The following CFAP54 variants were observed in gnomAD, a reference collection of about 807,000 sequenced individuals.
The protein encoded by CFAP54 is cilia and flagella associated protein 54.
CFAP54 carries 290 observed loss-of-function variants against 370.4 expected under a neutral mutation model. The observed-to-expected ratio is 0.78, with a 90% CI of 0.71 to 0.86. The LOEUF (loss-of-function observed/expected upper bound fraction) is 0.86, where lower values mean the gene tolerates loss of function less well. Among genes scored for constraint, CFAP54 ranks in the 40% least tolerant of loss-of-function variants. CFAP54 has a pLI of 0.00. For missense variants in CFAP54, 3,399 were observed against 3,528.7 expected (o/e 0.96, Z 0.93); for synonymous variants, 1,206 against 1,236.5 (o/e 0.98, Z 0.52).
intron 9 of CFAP54, 55 bp downstream of exon 9, chr12:96,527,499 A>G: frequency 1.6e-6 from 2 of 1,254,338 alleles, no homozygotes; most frequent in South Asian, 3.6e-5. Flanking sequence ...ATGAGTAACA[A>G]AAATTTTAAC....
At chr12:96,550,994 A>G (rs1486783242) in intron 15 of CFAP54, among the ~76,000 whole-genome samples, 1 of 152,158 alleles carries the variant, frequency 6.6e-6, no homozygotes, top group Non-Finnish European at 1.5e-5. Context: ...TGGCCTGGGT[A>G]TGGTGGCTCA....
In CFAP54 at chr12:96,646,189, T is replaced by C. The variant is rs536729975; in HGVS notation, c.4548-1686T>C. On this transcript the variant is annotated intron_variant, in intron 33 of 67. Coordinates refer to ENST00000524981, the MANE Select transcript of CFAP54 (RefSeq NM_001306084.2). ...AACCTACAGAATGGGAGAAAATTTT[T>C]GCAATCTACTCATCTGACAAAGGGC... 2.1e-4 allele frequency: 32 copies of C among 152,266 alleles called. No homozygotes were observed. The East Asian group carries it at 6.2e-3, about 29-fold the overall frequency. 9.4% of individuals were successfully genotyped at this position (152,266 alleles called of 1,614,324 possible). A position where few individuals can be genotyped will look rare whatever the true frequency, so the allele number is the denominator to read the frequency against.
chr12:96,694,695 T>C (rs1369253104), intron 45 of CFAP54, among the ~76,000 whole-genome samples: 1 of 151,844 alleles, frequency 6.6e-6, no homozygotes, highest in Non-Finnish European at 1.5e-5. Context: ...AGTAATCAGC[T>C]ATGGGCTGGT....
chr12:96,620,338 C>T (rs1015037059), intron 26 of CFAP54, among the ~76,000 whole-genome samples: 7 of 152,108 alleles, frequency 4.6e-5, no homozygotes, highest in African/African-American at 1.7e-4. Flanking sequence ...ATCATGGGGG[C>T]GGGTCTTTCC....
rs567038386 is a variant in CFAP54, at chr12:96,612,005, C to T, written c.3640-9585C>T. ...ATCCGGGAGAACTTCCCCAACCTAG[C>T]AAGGCAGGCCAGCATTCAAATTCAG... On this transcript the variant is annotated intron_variant, in intron 26 of 67. Transcript: ENST00000524981. Among the ~76,000 whole-genome samples, 3 of 152,288 alleles carry T rather than the reference C, an allele frequency of 2.0e-5. No homozygotes were observed. The East Asian group carries it at 5.8e-4, about 29-fold the overall frequency.
chr12:96,833,604 C>A (rs1203405181), intron 66 of CFAP54, among the ~76,000 whole-genome samples: 2 of 151,212 alleles, frequency 1.3e-5, no homozygotes, highest in East Asian at 3.9e-4. Flanking sequence ...AGGAGCAGAT[C>A]ATGATTTGAA....
chr12:96,793,267 C>T (rs969790085), intron 63 of CFAP54, among the ~76,000 whole-genome samples: 5 of 152,100 alleles, frequency 3.3e-5, no homozygotes, highest in African/African-American at 1.2e-4. Flanking sequence ...GCTCCTGTCT[C>T]ATGAGTGAGA....
At chr12:96,602,170 G>T (rs955202470) in intron 26 of CFAP54, among the ~76,000 whole-genome samples, 3 of 151,858 alleles carry the variant, frequency 2.0e-5, no homozygotes, top group African/African-American at 4.8e-5. Context: ...TTGTTCCATT[G>T]CTTTCAAAGA....
intron 32 of CFAP54, 64 bp from the exon 33 acceptor site, chr12:96,644,114 A>T: frequency 9.1e-7 from 1 of 1,095,894 alleles, no homozygotes; most frequent in East Asian, 2.6e-5. Flanking sequence ...AATTGGAATG[A>T]TTCTTCTTTA....
intron 15 of CFAP54, among the ~76,000 whole-genome samples, chr12:96,550,996 G>C (rs1281241988): frequency 6.6e-6 from 1 of 152,146 alleles, no homozygotes; most frequent in Non-Finnish European, 1.5e-5. Flanking sequence ...GCCTGGGTAT[G>C]GTGGCTCACG....
In CFAP54 at chr12:96,833,300, C is replaced by T. The variant is rs536962395; in HGVS notation, c.9171+4212C>T. Reference sequence around the variant, plus strand: ...AAAAATATTCTTGTTCTCACGGTGACTGACCATGGAATGGGCTAAGTTCTT... The same window carrying T: ...AAAAATATTCTTGTTCTCACGGTGATTGACCATGGAATGGGCTAAGTTCTT... On this transcript the variant is annotated intron_variant, in intron 66 of 67. Transcript: ENST00000524981. Among the ~76,000 whole-genome samples, 11 of 152,282 alleles carry T rather than the reference C, an allele frequency of 7.2e-5. No individual in the cohort carries two copies. The South Asian group carries it at 2.3e-3, about 32-fold the overall frequency.
intron 15 of CFAP54, among the ~76,000 whole-genome samples, chr12:96,550,611 T>C (rs946772703): frequency 6.6e-6 from 1 of 152,124 alleles, no homozygotes; most frequent in African/African-American, 2.4e-5. Flanking sequence ...GGATATCTTT[T>C]AGAGACTTCT....
Position 96,554,309 on chromosome 12 carries a change from A to T in CFAP54, c.2282A>T (p.Lys761Met). The T allele has an allele frequency of 1.3e-6, 2 of 1,510,172 alleles. No individual in the cohort carries two copies. The highest frequency in any genetic ancestry group is 1.8e-6 in the Non-Finnish European group (2 of 1,138,326). 93.5% of individuals were successfully genotyped at this position (1,510,172 alleles called of 1,614,324 possible). ...GSSVIDHCYAKRTHHIDGDTY... is the reference protein window; with the variant it reads ...GSSVIDHCYAMRTHHIDGDTY... ...TCAGTAATTGACCACTGCTATGCCA[A>T]GGTAAGAATGGAAGAGTCTTAAATT... Residue 761 changes from lysine to methionine, a missense_variant and splice_region_variant, in exon 16 of 68, where the codon AAG becomes ATG. Coordinates refer to ENST00000524981, the MANE Select transcript of CFAP54 (RefSeq NM_001306084.2).
chr12:96,647,471 C>CGAAAAAA (rs1167008566), intron 33 of CFAP54, among the ~76,000 whole-genome samples: 5 of 10,688 alleles, frequency 4.7e-4, no homozygotes, highest in Non-Finnish European at 5.0e-4. Flanking sequence ...AGACTCTGTC[C>CGAAAAAA]CAAAAAAAAA....
At chr12:96,656,608 C>G (rs761673952) in intron 36 of CFAP54, among the ~76,000 whole-genome samples, 5 of 152,190 alleles carry the variant, frequency 3.3e-5, no homozygotes, top group Non-Finnish European at 7.3e-5. Context: ...CTCAAACTCC[C>G]GACCTCAGTT....
intron 26 of CFAP54, among the ~76,000 whole-genome samples, chr12:96,609,365 A>G (rs1460304332): frequency 1.3e-5 from 2 of 152,252 alleles, no homozygotes; most frequent in African/African-American, 4.8e-5. Context: ...AAATGCCACA[A>G]AGGCATTTGA....
At chr12:96,862,576 C>A (rs1201804575) in intron 67 of CFAP54, among the ~76,000 whole-genome samples, 1 of 151,660 alleles carries the variant, frequency 6.6e-6, no homozygotes, top group East Asian at 1.9e-4. Context: ...GATAAGAATG[C>A]AAGATATAAT....
intron 26 of CFAP54, among the ~76,000 whole-genome samples, chr12:96,607,365 A>T (rs1956312440): frequency 6.6e-6 from 1 of 152,184 alleles, no homozygotes. Context: ...AGCACTTTTA[A>T]GGAGATACAA....
At chr12:96,556,180 C>A (rs928045482) in intron 17 of CFAP54, among the ~76,000 whole-genome samples, 2 of 151,650 alleles carry the variant, frequency 1.3e-5, no homozygotes, top group Admixed American at 1.3e-4. Context: ...GAATATATTT[C>A]TAAGCTTGGA....
Sources: gnomAD v4.1 joint callset for allele counts (sites outside exome capture counted in the v4.1 genomes callset) on GRCh38, gnomAD v4.1.1 for gene constraint, MANE v1.5 for transcripts, NCBI Gene and HGNC (gene_info 2026-07-23, HGNC 2026-07-21) for gene names.